SLC22A23: variants seen among roughly 807,000 people sequenced by gnomAD.
SLC22A23 encodes the protein ion transporter protein.
Under a neutral mutation model 61.0 loss-of-function variants are expected in SLC22A23, and 26 were observed. The ratio of observed to expected loss-of-function variants is 0.43; its 90% CI spans 0.31 to 0.59. The LOEUF (loss-of-function observed/expected upper bound fraction) is 0.59. Among genes scored for constraint, SLC22A23 ranks in the 20% least tolerant of loss-of-function variants. The pLI is 0.11. For synonymous variants in SLC22A23, 430 were observed against 413.9 expected (o/e 1.04, Z -0.47); for missense variants, 796 against 934.7 (o/e 0.85, Z 1.94).
rs1351662821 is a variant in SLC22A23, at chr6:3,390,512, CCA to C, written c.913+19674_913+19675del. Among the ~76,000 whole-genome samples, 2 of 152,160 alleles carry C rather than the reference CCA, an allele frequency of 1.3e-5. No individual in the cohort carries two copies. The highest frequency in any genetic ancestry group is 4.8e-5 in the African/African-American group (2 of 41,428). On this transcript the variant is annotated intron_variant, in intron 3 of 9. Transcript: ENST00000406686. The surrounding 1 kb of genome is among the most constrained non-coding windows in gnomAD (Gnocchi z 4.0). ...CACAGGATCTCTCATGAGAAGAAAGCCACACAGTTGGAGTGAACTCTAGTGCT... is the reference window on the plus strand; with the variant it reads ...CACAGGATCTCTCATGAGAAGAAAGCCACAGTTGGAGTGAACTCTAGTGCT...
Position 3,285,104 on chromosome 6 carries a change from T to C in SLC22A23, c.1554A>G (p.Gly518=), listed in dbSNP as rs1216298398. ...CTGAGTCTGGGTGCTGGCTGTACTT[T>C]CCAATCACTGGACCCGCAGACATGA... The part of the protein sequence containing the change: ...LLQLGLLNLI[G]KYSQHPDSGM... Residue 518 remains glycine, a synonymous_variant, in exon 8 of 10, where the codon GGA becomes GGG. Coordinates refer to ENST00000406686, the MANE Select transcript of SLC22A23 (RefSeq NM_015482.2). 3 of 1,613,410 alleles carry C rather than the reference T, an allele frequency of 1.9e-6. No individual in the cohort carries two copies. Among genetic ancestry groups the C allele is most frequent in the Non-Finnish European group, 2.5e-6 (3 of 1,179,682 alleles).
chr6:3,378,947 C>T (rs1333611118), intron 3 of SLC22A23, among the ~76,000 whole-genome samples: 2 of 152,168 alleles, frequency 1.3e-5, no homozygotes, highest in Non-Finnish European at 2.9e-5. Context: ...GCTTGAGCCA[C>T]CGCGCCTGGC....
chr6:3,375,142 C>T (rs73358794), intron 3 of SLC22A23, among the ~76,000 whole-genome samples: 2,768 of 152,090 alleles, frequency 0.018, 90 homozygotes, highest in African/African-American at 0.064. Flanking sequence ...AGAAGTGAGA[C>T]TTCAAATGAC....
Position 3,360,776 on chromosome 6 carries a change from C to T in SLC22A23, c.914-36774G>A, listed in dbSNP as rs773204827. Among the ~76,000 whole-genome samples, 11 of 152,234 alleles carry T rather than the reference C, an allele frequency of 7.2e-5. No homozygotes were observed. The highest frequency in any genetic ancestry group is 7.2e-5 in the African/African-American group (3 of 41,466). On this transcript the variant is annotated intron_variant, in intron 3 of 9. Transcript: ENST00000406686. This position sits in a 1 kb window ranked among gnomAD's most constrained non-coding sequence, Gnocchi z 4.6. ...AGGTGTGCAGGCACCCCCATGCAGA[C>T]GGGCCCCTCTGATGGAGACCTGCGT...
intron 3 of SLC22A23, among the ~76,000 whole-genome samples, chr6:3,349,760 G>A (rs9501992): frequency 1.7e-3 from 254 of 152,354 alleles, no homozygotes; most frequent in African/African-American, 6.0e-3. Flanking sequence ...GAACTACTCA[G>A]AAATAAGCCT....
At position 3,456,044 on chromosome 6, in the gene SLC22A23, G is replaced by T; in HGVS notation, c.516C>A (p.Ser172Arg). 1.3e-6 allele frequency: 2 copies of T among 1,548,334 alleles called. No homozygotes were observed. The highest frequency in any genetic ancestry group is 1.7e-4 in the Middle Eastern group (1 of 5,968). Residue 172 changes from serine to arginine, a missense_variant, in exon 1 of 10, where the codon AGC (serine) becomes AGA (arginine). Physicochemically the swap from Ser to Arg is moderately radical, Grantham distance 110. Transcript: ENST00000406686. This position sits in a 1 kb window ranked among gnomAD's most constrained non-coding sequence, Gnocchi z 7.1. ...CGCCTCCGTCCGCGCCGCTGCTGTTGCTCCGGTTGCCCGCAGCCTCCCAGG... is the reference window on the plus strand; with the variant it reads ...CGCCTCCGTCCGCGCCGCTGCTGTTTCTCCGGTTGCCCGCAGCCTCCCAGG... ...TAPWEAAGNRSNSSGADGGDT... is the reference protein window; with the variant it reads ...TAPWEAAGNRRNSSGADGGDT...
chr6:3,340,591 C>A lies in SLC22A23; in HGVS notation c.914-16589G>T, dbSNP rs568310310. Among the ~76,000 whole-genome samples, 3 of 152,288 alleles carry A rather than the reference C, an allele frequency of 2.0e-5. No homozygotes were observed. In the South Asian group the frequency reaches 6.2e-4, roughly 32 times the overall value. On this transcript the variant is annotated intron_variant, in intron 3 of 9. Transcript: ENST00000406686. ...CGATTTCTAACCACAGTATGAGGAG[C>A]TTTGTAACCGATCCTTTGTGTAAAG...
At chr6:3,337,134 C>A (rs550523705) in intron 3 of SLC22A23, among the ~76,000 whole-genome samples, 2 of 152,316 alleles carry the variant, frequency 1.3e-5, no homozygotes, top group South Asian at 4.1e-4. Context: ...CATATTTACA[C>A]AAGGGCATGA....
intron 3 of SLC22A23, among the ~76,000 whole-genome samples, chr6:3,408,978 A>C (rs1270494957): frequency 1.3e-5 from 2 of 152,240 alleles, no homozygotes; most frequent in African/African-American, 4.8e-5. Context: ...GTTCCTCTGC[A>C]CAGACTGTCA....
chr6:3,356,562 C>T (rs1164281709), intron 3 of SLC22A23, among the ~76,000 whole-genome samples: 1 of 152,150 alleles, frequency 6.6e-6, no homozygotes, highest in African/African-American at 2.4e-5. Flanking sequence ...AAATCTTCAG[C>T]CCCAGAGACA....
rs757788904 is a variant in SLC22A23 at position 3,447,583 on chromosome 6, C to CTTTTTT, written c.654+8317_654+8322dup. The stretch of plus-strand genomic sequence containing the variant: ...AAGGAGGAGAGAGGAAAGAAACTTT[C>CTTTTTT]TTTTTTTTTTTTTTTTTTTGTCTGA... On this transcript the variant is annotated intron_variant, in intron 1 of 9. Transcript: ENST00000406686. 4.1e-3 allele frequency among the ~76,000 whole-genome samples: 468 copies of CTTTTTT among 113,250 alleles called. 1 individual carries two copies. The highest frequency in any genetic ancestry group is 6.1e-3 in the African/African-American group (177 of 28,816). 74.3% of individuals were successfully genotyped at this position (113,250 alleles called of 152,430 possible). A position where few individuals can be genotyped will look rare whatever the true frequency, so the allele number is the denominator to read the frequency against.
intron 3 of SLC22A23, among the ~76,000 whole-genome samples, chr6:3,338,619 C>T (rs1763988123): frequency 6.6e-6 from 1 of 152,222 alleles, no homozygotes; most frequent in Non-Finnish European, 1.5e-5. Flanking sequence ...CTTAATCTGT[C>T]TTTAGTCAGT....
chr6:3,321,264 C>T (rs1762930784), intron 4 of SLC22A23, among the ~76,000 whole-genome samples: 1 of 152,246 alleles, frequency 6.6e-6, no homozygotes, highest in African/African-American at 2.4e-5. Flanking sequence ...AGGTGTGAGG[C>T]AGGCTGGAGG....
chr6:3,298,129 C>A lies in SLC22A23; in HGVS notation c.1172G>T (p.Arg391Leu). 1 of 1,585,240 alleles carries A rather than the reference C, an allele frequency of 6.3e-7. No homozygotes were observed. The highest frequency in any genetic ancestry group is 8.6e-7 in the Non-Finnish European group (1 of 1,168,706). Residue 391 changes from arginine to leucine, a missense_variant, in exon 5 of 10, where the codon CGC (arginine) becomes CTC (leucine). Physicochemically the swap from Arg to Leu is moderately radical, Grantham distance 102. Transcript: ENST00000406686. ...RLILHFTQKN[R>L]MNPEGDIKGV... ...CTTGATGTCGCCCTCAGGGTTCATG[C>A]GATTCTTCTGTGTGAAGTGGAGGAT...
intron 3 of SLC22A23, among the ~76,000 whole-genome samples, chr6:3,353,299 T>A (rs1764884880): frequency 6.6e-6 from 1 of 152,206 alleles, no homozygotes; most frequent in African/African-American, 2.4e-5. Flanking sequence ...GGAAACTCCG[T>A]CTGTGTTAGA....
At chr6:3,423,070 T>C (rs932478470) in intron 1 of SLC22A23, among the ~76,000 whole-genome samples, 1 of 152,080 alleles carries the variant, frequency 6.6e-6, no homozygotes, top group African/African-American at 2.4e-5. Flanking sequence ...AAATGACAAC[T>C]CTACTGTCCG....
At position 3,387,167 on chromosome 6, in the gene SLC22A23, A is replaced by G. The variant is rs1767364725; in HGVS notation, c.913+23021T>C. ...GAAGAAATAAAGTGACTCACTCCTAACAAACTAAGTGGAGAAAGGGAAAAC... is the reference window on the plus strand; with the variant it reads ...GAAGAAATAAAGTGACTCACTCCTAGCAAACTAAGTGGAGAAAGGGAAAAC... On this transcript the variant is annotated intron_variant, in intron 3 of 9. Transcript: ENST00000406686. The surrounding 1 kb of genome is among the most constrained non-coding windows in gnomAD (Gnocchi z 5.0). 6.6e-6 allele frequency among the ~76,000 whole-genome samples: 1 copy of G among 152,212 alleles called. No homozygotes were observed. The highest frequency in any genetic ancestry group is 6.5e-5 in the Admixed American group (1 of 15,286).
intron 3 of SLC22A23, among the ~76,000 whole-genome samples, chr6:3,355,855 G>A (rs893319422): frequency 2.7e-5 from 4 of 150,894 alleles, no homozygotes; most frequent in Non-Finnish European, 4.4e-5. Flanking sequence ...CATCGACACG[G>A]AGGAGCCACT....
Position 3,298,142 on chromosome 6 carries a change from T to C in SLC22A23, c.1159A>G (p.Thr387Ala). ...ESAKRLILHF[T>A]QKNRMNPEGD... ...TCAGGGTTCATGCGATTCTTCTGTGTGAAGTGGAGGATCAGCCTCTTTGCA... is the reference window on the plus strand; with the variant it reads ...TCAGGGTTCATGCGATTCTTCTGTGCGAAGTGGAGGATCAGCCTCTTTGCA... The change falls in exon 5 of 10, where the codon ACA becomes GCA. Residue 387 changes from threonine to alanine, a missense_variant. Transcript: ENST00000406686. The C allele has an allele frequency of 6.3e-7, 1 of 1,589,738 alleles. No individual in the cohort carries two copies. Among genetic ancestry groups the C allele is most frequent in the Non-Finnish European group, 8.5e-7 (1 of 1,170,694 alleles).
Sources: allele counts gnomAD v4.1 joint callset (sites outside exome capture counted in the v4.1 genomes callset), GRCh38; gene constraint gnomAD v4.1.1; non-coding constraint Gnocchi (gnomAD v3.1); transcripts MANE v1.5; gene names NCBI Gene and HGNC (gene_info 2026-07-23, HGNC 2026-07-21).